Variants in BABAM2 observed in about 807,000 individuals in gnomAD.
BABAM2 encodes BRISC and BRCA1-A complex member 2.
A neutral mutation model predicts 54.7 loss-of-function variants in BABAM2; 31 were observed. The observed-to-expected ratio is 0.57, with a 90% CI of 0.43 to 0.77. The LOEUF (loss-of-function observed/expected upper bound fraction) is 0.77, where lower values mean the gene tolerates loss of function less well. Among genes scored for constraint, BABAM2 ranks in the 30% least tolerant of loss-of-function variants. BABAM2 has a pLI of 0.00. For missense variants in BABAM2, 364 were observed against 455.8 expected (o/e 0.80, Z 1.83); for synonymous variants, 167 against 162.9 (o/e 1.03, Z -0.19).
chr2:28,177,190 C>T (rs1347651680), intron 7 of BABAM2, among the ~76,000 whole-genome samples: 1 of 151,844 alleles, frequency 6.6e-6, no homozygotes, highest in African/African-American at 2.4e-5. Context: ...AGGAAACCTC[C>T]ATCAGACTAA....
At chr2:27,888,800 G>A (rs573364814), upstream of BABAM2, among the ~76,000 whole-genome samples, 1 of 151,878 alleles carries the variant, frequency 6.6e-6, no homozygotes, top group African/African-American at 2.4e-5. Context: ...AAAAAAAAAT[G>A]TGACCTTGAC....
intron 4 of BABAM2, among the ~76,000 whole-genome samples, chr2:27,992,047 T>C (rs1275147732): frequency 6.6e-6 from 1 of 152,212 alleles, no homozygotes; most frequent in Non-Finnish European, 1.5e-5. Flanking sequence ...ATTATAGCCA[T>C]CCTAGTGGGT....
At chr2:28,171,512 A>G (rs940373134) in intron 7 of BABAM2, among the ~76,000 whole-genome samples, 5 of 152,092 alleles carry the variant, frequency 3.3e-5, no homozygotes, top group African/African-American at 1.2e-4. Flanking sequence ...AGTGGAGGGG[A>G]CGGGCTGTCC....
chr2:28,292,817 A>G (rs1459091443), intron 10 of BABAM2, among the ~76,000 whole-genome samples: 1 of 152,200 alleles, frequency 6.6e-6, no homozygotes, highest in East Asian at 1.9e-4. Context: ...GGTTTATTGA[A>G]GGCTGAGTGA....
At chr2:28,054,733 C>T (rs1461826670) in intron 6 of BABAM2, among the ~76,000 whole-genome samples, 11 of 152,180 alleles carry the variant, frequency 7.2e-5, no homozygotes, top group Admixed American at 7.2e-4. Context: ...AAACAACTCT[C>T]TGTTTTTTAC....
At chr2:27,910,753 A>G (rs1429199844) in intron 2 of BABAM2, among the ~76,000 whole-genome samples, 2 of 152,196 alleles carry the variant, frequency 1.3e-5, no homozygotes, top group Admixed American at 1.3e-4. Context: ...AGATAGTTGT[A>G]GATCACCCAT....
chr2:27,939,660 G>A (rs1668736070), intron 3 of BABAM2, among the ~76,000 whole-genome samples: 1 of 152,198 alleles, frequency 6.6e-6, no homozygotes. Flanking sequence ...TTTGGAGTCT[G>A]AATCAATTTT....
rs1208614169 is a variant in BABAM2 at position 27,929,836 on chromosome 2, A to G, written c.133A>G (p.Thr45Ala). ...LRITDLKSGC[T>A]SLTPGPNCDR... The stretch of plus-strand genomic sequence containing the variant: ...CTGTTTCTGCATTTTTTAAAGCTGC[A>G]CATCATTGACTCCTGGGCCCAACTG... Residue 45 changes from threonine to alanine, a missense_variant, in exon 3 of 12, where the codon ACA becomes GCA. Coordinates refer to ENST00000379624, the MANE Select transcript of BABAM2 (RefSeq NM_199191.3). 6.8e-6 allele frequency: 11 copies of G among 1,613,280 alleles called. No homozygotes were observed. The highest frequency in any genetic ancestry group is 9.3e-6 in the Non-Finnish European group (11 of 1,179,530).
At chr2:27,975,399 G>A (rs1671518129) in intron 3 of BABAM2, among the ~76,000 whole-genome samples, 1 of 151,958 alleles carries the variant, frequency 6.6e-6, no homozygotes, top group African/African-American at 2.4e-5. Flanking sequence ...TAGATCAATA[G>A]AACAAAATAG....
At chr2:28,147,034 A>C (rs1478259057) in intron 7 of BABAM2, among the ~76,000 whole-genome samples, 1 of 152,170 alleles carries the variant, frequency 6.6e-6, no homozygotes, top group Non-Finnish European at 1.5e-5. Flanking sequence ...GAAATGAGTG[A>C]TTTTTGCACT....
At chr2:28,298,978 A>G (rs1036563883) in intron 11 of BABAM2, among the ~76,000 whole-genome samples, 1 of 152,192 alleles carries the variant, frequency 6.6e-6, no homozygotes, top group African/African-American at 2.4e-5. Context: ...ATAGTTTTTT[A>G]AAAAATGGAA....
At chr2:28,286,999 A>G (rs1686876941) in intron 10 of BABAM2, among the ~76,000 whole-genome samples, 1 of 152,162 alleles carries the variant, frequency 6.6e-6, no homozygotes, top group Admixed American at 6.5e-5. Flanking sequence ...CACATTAGTC[A>G]TACTTCGCAT....
At chr2:28,254,265 T>C (rs1683758287) in intron 10 of BABAM2, among the ~76,000 whole-genome samples, 1 of 152,152 alleles carries the variant, frequency 6.6e-6, no homozygotes, top group Admixed American at 6.5e-5. Context: ...GCCTCCCAAG[T>C]ATCTGGGACT....
At chr2:28,000,639 T>C (rs1318180309) in intron 4 of BABAM2, among the ~76,000 whole-genome samples, 2 of 152,228 alleles carry the variant, frequency 1.3e-5, no homozygotes, top group East Asian at 3.9e-4. Flanking sequence ...TTGAGGGCAG[T>C]ATCTACATAA....
chr2:28,082,500 C>CT (rs1204574289), intron 6 of BABAM2, among the ~76,000 whole-genome samples: 2 of 152,122 alleles, frequency 1.3e-5, no homozygotes, highest in African/African-American at 4.8e-5. Context: ...TTATTTATGC[C>CT]TTTGTATCCT....
chr2:27,982,844 TACACACACAC>T (rs146744707), intron 3 of BABAM2, among the ~76,000 whole-genome samples: 17 of 127,232 alleles, frequency 1.3e-4, no homozygotes, highest in African/African-American at 3.0e-4. Context: ...TCATTATGTG[TACACACACAC>T]ACACACACAC....
intron 5 of BABAM2, among the ~76,000 whole-genome samples, chr2:28,036,245 AG>A (rs1676650562): frequency 6.6e-6 from 1 of 152,192 alleles, no homozygotes; most frequent in African/African-American, 2.4e-5. Flanking sequence ...AAAAGGCAAA[AG>A]ACAAAAAGAA....
At chr2:28,089,216 G>A (rs1324335591) in intron 6 of BABAM2, among the ~76,000 whole-genome samples, 1 of 152,028 alleles carries the variant, frequency 6.6e-6, no homozygotes, top group South Asian at 2.1e-4. Flanking sequence ...CATAAGGCTG[G>A]GATGGCTGTG....
At chr2:28,124,286 T>C (rs114868406) in intron 6 of BABAM2, among the ~76,000 whole-genome samples, 2,065 of 152,346 alleles carry the variant, frequency 0.014, 40 homozygotes, top group African/African-American at 0.046. Flanking sequence ...TAGTTTTAGA[T>C]GTTTGACGAG....
Sources: gnomAD v4.1 joint callset for allele counts (sites outside exome capture counted in the v4.1 genomes callset) on GRCh38, gnomAD v4.1.1 for gene constraint, MANE v1.5 for transcripts, NCBI Gene and HGNC (gene_info 2026-07-23, HGNC 2026-07-21) for gene names.